ZBTB16: variants seen among roughly 807,000 people sequenced by gnomAD.
ZBTB16 encodes the protein zinc finger and BTB domain containing 16, also known as zinc finger and BTB domain-containing protein 16.
A neutral mutation model predicts 56.8 loss-of-function variants in ZBTB16; 8 were observed. That is an observed-to-expected ratio of 0.14 (90% CI 0.08 to 0.25). The LOEUF (loss-of-function observed/expected upper bound fraction) is 0.25, where lower values mean the gene tolerates loss of function less well. Among genes scored for constraint, ZBTB16 ranks in the 10% least tolerant of loss-of-function variants. The pLI is 1.00. For synonymous variants in ZBTB16, 363 were observed against 368.5 expected, an observed-to-expected ratio of 0.98 and a Z score of 0.17; for missense variants, 625 against 903.0, an observed-to-expected ratio of 0.69 and a Z score of 3.95.
chr11:114,239,464 G>A (rs1944657658), intron 4 of ZBTB16, among the ~76,000 whole-genome samples: 1 of 152,108 alleles, frequency 6.6e-6, no homozygotes, highest in Non-Finnish European at 1.5e-5. Flanking sequence ...AGGAGTGGGG[G>A]CCACCGGGCA....
At position 114,143,657 on chromosome 11, in the gene ZBTB16, G is replaced by A. The variant is rs1431020539; in HGVS notation, c.1269-12680G>A. On this transcript the variant is annotated intron_variant, in intron 2 of 6. Coordinates refer to ENST00000335953, the MANE Select transcript of ZBTB16 (RefSeq NM_006006.6). This position sits in a 1 kb window ranked among gnomAD's most constrained non-coding sequence, Gnocchi z 6.4. ...TGTGTCAGTGTATTGTAAGAGTGGG[G>A]CCAACGTCCTTGTGCATTGAGGCTC... 2.6e-5 allele frequency among the ~76,000 whole-genome samples: 4 copies of A among 152,188 alleles called. No individual in the cohort carries two copies. The highest frequency in any genetic ancestry group is 4.4e-5 in the Non-Finnish European group (3 of 68,038).
At chr11:114,233,077 GCGCGCACACACACACACA>G (rs59989524) in intron 4 of ZBTB16, among the ~76,000 whole-genome samples, 3 of 35,750 alleles carry the variant, frequency 8.4e-5, no homozygotes, top group African/African-American at 2.4e-4. Context: ...GCGCGCGCGC[GCGCGCACACACACACACA>G]CACACACACA....
chr11:114,197,550 C>T (rs1394617641), intron 4 of ZBTB16, among the ~76,000 whole-genome samples: 1 of 151,922 alleles, frequency 6.6e-6, no homozygotes, highest in African/African-American at 2.4e-5. Flanking sequence ...TGCACTGGCC[C>T]CTCTCTCCTG....
chr11:114,157,497 A>G (rs1295639397), intron 3 of ZBTB16, among the ~76,000 whole-genome samples: 1 of 152,054 alleles, frequency 6.6e-6, no homozygotes, highest in Non-Finnish European at 1.5e-5. Flanking sequence ...TTCTGCTTGC[A>G]CCTTCCTCCC....
intron 2 of ZBTB16, among the ~76,000 whole-genome samples, chr11:114,148,335 G>GGCTGGCTT (rs200421296): frequency 0.25 from 22,703 of 90,058 alleles, 3,968 homozygotes; most frequent in Non-Finnish European, 0.3. Flanking sequence ...ATGGCTGGCT[G>GGCTGGCTT]GCTTCCTTCC....
At chr11:114,115,096 G>A (rs1188061431) in intron 2 of ZBTB16, among the ~76,000 whole-genome samples, 2 of 152,120 alleles carry the variant, frequency 1.3e-5, no homozygotes, top group Non-Finnish European at 2.9e-5. Flanking sequence ...AGAGGGTTGT[G>A]TAAGGATGGA....
At chr11:114,193,117 T>C (rs1943536186) in intron 4 of ZBTB16, among the ~76,000 whole-genome samples, 1 of 152,208 alleles carries the variant, frequency 6.6e-6, no homozygotes, top group African/African-American at 2.4e-5. Context: ...CTTTTGTTTT[T>C]TCCCCAGAGA....
intron 2 of ZBTB16, among the ~76,000 whole-genome samples, chr11:114,140,094 A>G (rs1941907188): frequency 6.6e-6 from 1 of 152,222 alleles, no homozygotes; most frequent in East Asian, 1.9e-4. Flanking sequence ...AGACCCCTCC[A>G]CAACATTCAC....
intron 2 of ZBTB16, among the ~76,000 whole-genome samples, chr11:114,120,072 CT>C (rs1293277332): frequency 3.3e-5 from 5 of 152,162 alleles, no homozygotes; most frequent in African/African-American, 4.8e-5. Context: ...AGGGTCTTGT[CT>C]GGAGGCAGTG....
chr11:114,148,417 C>CTCTCTCTCTCTGTCTGTCTG (rs1374079137), intron 2 of ZBTB16, among the ~76,000 whole-genome samples: 1 of 19,314 alleles, frequency 5.2e-5, no homozygotes, highest in Admixed American at 7.0e-4. Flanking sequence ...CCCTCCCTCC[C>CTCTCTCTCTCTGTCTGTCTG]TCCCTCCCTC....
intron 3 of ZBTB16, among the ~76,000 whole-genome samples, chr11:114,180,096 G>A (rs775260125): frequency 1.3e-5 from 2 of 152,298 alleles, no homozygotes; most frequent in African/African-American, 2.4e-5. Flanking sequence ...TGGCATGTGC[G>A]TCCTGTCTTT....
At chr11:114,110,532 G>A (rs1250294436) in intron 2 of ZBTB16, among the ~76,000 whole-genome samples, 4 of 152,194 alleles carry the variant, frequency 2.6e-5, no homozygotes, top group Admixed American at 6.5e-5. Flanking sequence ...TAAAGAAGGA[G>A]GGCCAGTGAG....
At chr11:114,166,473 G>A (rs1942761704) in intron 3 of ZBTB16, among the ~76,000 whole-genome samples, 2 of 152,124 alleles carry the variant, frequency 1.3e-5, no homozygotes, top group South Asian at 4.2e-4. Context: ...GTGTGCATGT[G>A]TGTGTTTGTG....
At chr11:114,162,413 C>A (rs573027919) in intron 3 of ZBTB16, among the ~76,000 whole-genome samples, 1 of 152,172 alleles carries the variant, frequency 6.6e-6, no homozygotes, top group Admixed American at 6.5e-5. Context: ...GGAGACAGTG[C>A]GAGGTGGTCC....
chr11:114,062,036 C>G (rs1162234702), intron 1 of ZBTB16, among the ~76,000 whole-genome samples: 1 of 151,968 alleles, frequency 6.6e-6, no homozygotes, highest in Non-Finnish European at 1.5e-5. Flanking sequence ...TCCTGTCCAC[C>G]GGGCAGTTGT....
chr11:114,123,082 G>C (rs1446828903), intron 2 of ZBTB16, among the ~76,000 whole-genome samples: 1 of 152,070 alleles, frequency 6.6e-6, no homozygotes, highest in East Asian at 1.9e-4. Flanking sequence ...ACAGTGAGCT[G>C]GTGTCTCTTC....
intron 2 of ZBTB16, among the ~76,000 whole-genome samples, chr11:114,104,449 T>C (rs1319953633): frequency 6.6e-6 from 1 of 152,184 alleles, no homozygotes; most frequent in Non-Finnish European, 1.5e-5. Context: ...TTGCCTTTTC[T>C]TTCACCTACC....
At chr11:114,179,189 C>T (rs907700912) in intron 3 of ZBTB16, among the ~76,000 whole-genome samples, 1 of 152,214 alleles carries the variant, frequency 6.6e-6, no homozygotes, top group African/African-American at 2.4e-5. Context: ...TCCCTTTTCC[C>T]TCTTCCCTGA....
chr11:114,077,876 A>C (rs1163578139), intron 2 of ZBTB16, among the ~76,000 whole-genome samples: 1 of 152,242 alleles, frequency 6.6e-6, no homozygotes. Flanking sequence ...TGCTATTTGC[A>C]TAAGAGGTTG....
Sources: gnomAD v4.1 joint callset for allele counts (sites outside exome capture counted in the v4.1 genomes callset) on GRCh38, gnomAD v4.1.1 for gene constraint, Gnocchi (gnomAD v3.1) non-coding constraint, MANE v1.5 for transcripts, NCBI Gene and HGNC (gene_info 2026-07-23, HGNC 2026-07-21) for gene names.